CLTCL1: variants seen among roughly 807,000 people sequenced by gnomAD.
CLTCL1 encodes the protein clathrin heavy chain 2.
A neutral mutation model predicts 190.0 loss-of-function variants in CLTCL1; 159 were observed. The ratio of observed to expected loss-of-function variants is 0.84; its 90% CI spans 0.74 to 0.95. CLTCL1 has a LOEUF of 0.95. CLTCL1 is among the 40% of genes least tolerant of loss of function. The probability of loss-of-function intolerance (pLI) is 0.00; values close to 1 mark genes in which losing one functional copy is unlikely to be tolerated. For synonymous variants in CLTCL1, 752 were observed against 769.6 expected (o/e 0.98, Z 0.38); for missense variants, 1,878 against 2,033.4 (o/e 0.92, Z 1.47).
intron 1 of CLTCL1, among the ~76,000 whole-genome samples, chr22:19,283,060 C>T (rs538786645): frequency 4.0e-5 from 6 of 151,714 alleles, no homozygotes; most frequent in East Asian, 1.9e-4. Context: ...TCAGTAGAGA[C>T]GGGGTTTCAC....
chr22:19,226,621 A>G (rs1305418298), intron 11 of CLTCL1, among the ~76,000 whole-genome samples: 1 of 152,240 alleles, frequency 6.6e-6, no homozygotes, highest in Non-Finnish European at 1.5e-5. Context: ...CAGCTGGGCC[A>G]AGCCCATGTG....
chr22:19,255,025 T>G (rs919735392), intron 2 of CLTCL1, among the ~76,000 whole-genome samples: 19 of 152,118 alleles, frequency 1.2e-4, no homozygotes, highest in Admixed American at 6.6e-5. Flanking sequence ...CCCACAAAGA[T>G]TGGGAACAAG....
At chr22:19,242,048 T>C (rs782561039) in intron 4 of CLTCL1, among the ~76,000 whole-genome samples, 8 of 149,220 alleles carry the variant, frequency 5.4e-5, no homozygotes, top group Non-Finnish European at 1.2e-4. Context: ...GTTCAAGCAA[T>C]TCTCCTGCCT....
At chr22:19,202,799 C>G (rs1366992446) in intron 22 of CLTCL1, among the ~76,000 whole-genome samples, 9 of 152,178 alleles carry the variant, frequency 5.9e-5, no homozygotes, top group Non-Finnish European at 1.3e-4. Context: ...TTTGGCTTCC[C>G]TTTTCCTGAG....
At position 19,209,497 on chromosome 22, in the gene CLTCL1, C is replaced by G. The variant is rs2085152730; in HGVS notation, c.3250-383G>C. Among the ~76,000 whole-genome samples, 3 of 152,140 alleles carry G rather than the reference C, an allele frequency of 2.0e-5. No homozygotes were observed. In the South Asian group the frequency reaches 6.2e-4, roughly 32 times the overall value. On this transcript the variant is annotated intron_variant, in intron 20 of 32. Transcript: ENST00000427926. ...GTGGGGAATAAGATTGCTCACCAGG[C>G]AGAAACAGGCTTGCTGAGCAGTCTG...
chr22:19,247,097 T>C (rs2086442099), intron 3 of CLTCL1, among the ~76,000 whole-genome samples: 1 of 152,248 alleles, frequency 6.6e-6, no homozygotes, highest in African/African-American at 2.4e-5. Flanking sequence ...GCTTTCTCCT[T>C]ATGTTTTCTT....
At chr22:19,193,163 G>T (rs1468748585) in intron 26 of CLTCL1, among the ~76,000 whole-genome samples, 1 of 152,136 alleles carries the variant, frequency 6.6e-6, no homozygotes, top group Non-Finnish European at 1.5e-5. Flanking sequence ...CAGGTATCAC[G>T]CGAGTGGACA....
chr22:19,288,135 G>T (rs1555991184), intron 1 of CLTCL1, among the ~76,000 whole-genome samples: 1 of 152,128 alleles, frequency 6.6e-6, no homozygotes, highest in African/African-American at 2.4e-5. Context: ...TAGTCACTTA[G>T]TAGCGGTCAG....
chr22:19,271,835 G>T (rs2087331888), intron 2 of CLTCL1, among the ~76,000 whole-genome samples: 1 of 152,134 alleles, frequency 6.6e-6, no homozygotes, highest in African/African-American at 2.4e-5. Context: ...GGCCAATTGA[G>T]GTGGCTCACA....
intron 18 of CLTCL1, among the ~76,000 whole-genome samples, chr22:19,219,645 G>A (rs1182310244): frequency 2.0e-5 from 3 of 151,278 alleles, no homozygotes; most frequent in South Asian, 2.1e-4. Context: ...CACCATGTGC[G>A]GCTAATTTTT....
chr22:19,290,967 G>A (rs992578539), intron 1 of CLTCL1, among the ~76,000 whole-genome samples: 3 of 152,130 alleles, frequency 2.0e-5, no homozygotes, highest in Admixed American at 1.3e-4. Context: ...GCAGACCCGC[G>A]AGCGGCCCGC....
chr22:19,187,897 A>C, intron 28 of CLTCL1, 84 bp downstream of exon 28: 1 of 1,447,680 alleles, frequency 6.9e-7, no homozygotes, highest in Non-Finnish European at 9.7e-7. Flanking sequence ...TCCTGTGCAA[A>C]GGCAGCCTGC....
intron 3 of CLTCL1, among the ~76,000 whole-genome samples, chr22:19,246,498 TG>T (rs1555968054): frequency 6.6e-6 from 1 of 151,496 alleles, no homozygotes; most frequent in Non-Finnish European, 1.5e-5. Flanking sequence ...TTTTTTGAGA[TG>T]GAGTTTCGCT....
chr22:19,212,548 G>A (rs2085258823), intron 19 of CLTCL1, among the ~76,000 whole-genome samples: 1 of 137,230 alleles, frequency 7.3e-6, no homozygotes, highest in South Asian at 2.4e-4. Flanking sequence ...GTGACAGAGG[G>A]AGACCCTATT....
intron 22 of CLTCL1, among the ~76,000 whole-genome samples, chr22:19,205,424 G>A (rs950910758): frequency 2.6e-5 from 4 of 152,156 alleles, no homozygotes; most frequent in Non-Finnish European, 5.9e-5. Flanking sequence ...GTGGGAGGAT[G>A]GCTTGAGCTC....
intron 3 of CLTCL1, among the ~76,000 whole-genome samples, chr22:19,248,873 G>A (rs1330783681): frequency 6.6e-6 from 1 of 152,104 alleles, no homozygotes; most frequent in Non-Finnish European, 1.5e-5. Context: ...AGTTTTATAG[G>A]TTCAGTTCTT....
intron 21 of CLTCL1, 104 bp from the exon 22 acceptor site, chr22:19,208,415 T>G: frequency 7.6e-7 from 1 of 1,323,536 alleles, no homozygotes; most frequent in Non-Finnish European, 1.0e-6. Flanking sequence ...ACCCTCCAGT[T>G]ATGTCTCACT....
Position 19,221,953 on chromosome 22 carries a change from A to G in CLTCL1, c.2559T>C (p.Asn853=), listed in dbSNP as rs1555952736. ...AACACCAAGTAAGGACACCTTACCT[A>G]TTTCTTTTTTCTACTTCAGCCACCA... ...DELVAEVEKR[N]RLKLLLPWLE... The change falls in exon 16 of 33, where the codon AAT becomes AAC. Residue 853 remains asparagine, a splice_region_variant and synonymous_variant. Coordinates refer to ENST00000427926, the MANE Select transcript of CLTCL1 (RefSeq NM_007098.4). 3 of 1,613,840 alleles carry G rather than the reference A, an allele frequency of 1.9e-6. No homozygotes were observed. The highest frequency in any genetic ancestry group is 2.2e-5 in the East Asian group (1 of 44,868).
chr22:19,188,019 C>A lies in CLTCL1; in HGVS notation c.4396G>T (p.Ala1466Ser), dbSNP rs782127093. The change falls in exon 28 of 33, where the codon GCA becomes TCA. Residue 1466 changes from alanine (A) to serine (S), a missense_variant. Transcript: ENST00000427926. ...QSHNNKSVNE[A>S]LNHLLTEEED... is the part of the protein sequence containing the mutation. ...TCCTCTGTCAGCAGGTGGTTGAGTG[C>A]CTCATTCACACTCTTGTTGTTGTGG... 8 of 1,613,886 alleles carry A rather than the reference C, an allele frequency of 5.0e-6. No individual in the cohort carries two copies. The highest frequency in any genetic ancestry group is 6.8e-6 in the Non-Finnish European group (8 of 1,179,898).
Sources: gnomAD v4.1 joint callset for allele counts (sites outside exome capture counted in the v4.1 genomes callset) on GRCh38, gnomAD v4.1.1 for gene constraint, MANE v1.5 for transcripts, NCBI Gene and HGNC (gene_info 2026-07-23, HGNC 2026-07-21) for gene names.